Variants in CDK19 observed in about 807,000 individuals in gnomAD.
CDK19 encodes the protein cyclin dependent kinase 19, also known as cyclin-dependent kinase 19.
A neutral mutation model predicts 68.3 loss-of-function variants in CDK19; 20 were observed. The ratio of observed to expected loss-of-function variants is 0.29; its 90% CI spans 0.21 to 0.43. CDK19 has a LOEUF of 0.43. Ranked by LOEUF, CDK19 falls within the 20% of genes least tolerant of loss-of-function variation. The probability of loss-of-function intolerance (pLI) is 1.00; values close to 1 mark genes in which losing one functional copy is unlikely to be tolerated. For missense variants in CDK19, 339 were observed against 623.5 expected, an observed-to-expected ratio of 0.54 and a Z score of 4.86; for synonymous variants, 221 against 222.8, an observed-to-expected ratio of 0.99 and a Z score of 0.07.
At chr6:110,695,510 C>G (rs535100441) in intron 2 of CDK19, among the ~76,000 whole-genome samples, 1 of 151,930 alleles carries the variant, frequency 6.6e-6, no homozygotes, top group African/African-American at 2.4e-5. Context: ...TAGAACAGAA[C>G]TAAATAAAAT....
intron 1 of CDK19, among the ~76,000 whole-genome samples, chr6:110,804,722 G>C (rs532452399): frequency 1.7e-4 from 25 of 149,936 alleles, no homozygotes; most frequent in African/African-American, 6.1e-4. Flanking sequence ...TTGGGAGGCC[G>C]AGGCGGGCGG....
chr6:110,781,105 A>G (rs1780780416), intron 1 of CDK19, among the ~76,000 whole-genome samples: 1 of 152,184 alleles, frequency 6.6e-6, no homozygotes, highest in Non-Finnish European at 1.5e-5. Flanking sequence ...GTTGCTATAA[A>G]GGAATACCTC....
chr6:110,736,835 C>T (rs1001526670), intron 2 of CDK19, among the ~76,000 whole-genome samples: 1 of 152,180 alleles, frequency 6.6e-6, no homozygotes, highest in African/African-American at 2.4e-5. Context: ...TATTTTCAGT[C>T]TTTCTTCACT....
chr6:110,692,461 A>T (rs1773087706), intron 2 of CDK19, among the ~76,000 whole-genome samples: 1 of 152,196 alleles, frequency 6.6e-6, no homozygotes, highest in Non-Finnish European at 1.5e-5. Flanking sequence ...TTGAAAAATG[A>T]ACAAAGTCTC....
intron 12 of CDK19, among the ~76,000 whole-genome samples, chr6:110,618,814 C>A (rs1778519416): frequency 9.3e-6 from 1 of 107,052 alleles, no homozygotes; most frequent in Non-Finnish European, 1.8e-5. Context: ...CTGCTCTTTG[C>A]AGACAGCCCC....
chr6:110,671,681 T>C (rs1224899710), intron 2 of CDK19, among the ~76,000 whole-genome samples: 1 of 152,240 alleles, frequency 6.6e-6, no homozygotes, highest in Non-Finnish European at 1.5e-5. Flanking sequence ...ACAGCTAAAG[T>C]TCATGTCTTC....
chr6:110,801,451 C>A (rs1034249637), intron 1 of CDK19, among the ~76,000 whole-genome samples: 2 of 152,162 alleles, frequency 1.3e-5, no homozygotes, highest in Admixed American at 6.6e-5. Context: ...TGCCACTGCA[C>A]TCCAGCCTCA....
At chr6:110,688,177 G>A (rs1424595643) in intron 2 of CDK19, among the ~76,000 whole-genome samples, 1 of 152,086 alleles carries the variant, frequency 6.6e-6, no homozygotes, top group East Asian at 1.9e-4. Flanking sequence ...CTTGAGGTCA[G>A]GAGTCTGAGA....
intron 1 of CDK19, among the ~76,000 whole-genome samples, chr6:110,775,397 A>G (rs1780329127): frequency 6.6e-6 from 1 of 152,230 alleles, no homozygotes; most frequent in South Asian, 2.1e-4. Context: ...AAACAGACCT[A>G]GAAGAGGACA....
intron 1 of CDK19, among the ~76,000 whole-genome samples, chr6:110,790,606 T>C (rs1299275281): frequency 1.3e-5 from 2 of 151,344 alleles, no homozygotes; most frequent in Admixed American, 6.6e-5. Flanking sequence ...TAAACCAATA[T>C]AGTAATAAGA....
At chr6:110,721,635 A>C (rs117568271) in intron 2 of CDK19, among the ~76,000 whole-genome samples, 4,026 of 152,284 alleles carry the variant, frequency 0.026, 80 homozygotes, top group South Asian at 0.083. Context: ...CCAGATAAGA[A>C]AAACATGACT....
At chr6:110,794,180 G>T (rs569729865) in intron 1 of CDK19, among the ~76,000 whole-genome samples, 4 of 151,806 alleles carry the variant, frequency 2.6e-5, no homozygotes, top group Non-Finnish European at 5.9e-5. Flanking sequence ...CAAGTAACTG[G>T]GACTAAGGGC....
intron 2 of CDK19, among the ~76,000 whole-genome samples, chr6:110,683,866 TC>T (rs1395027102): frequency 6.6e-6 from 1 of 150,748 alleles, no homozygotes; most frequent in Non-Finnish European, 1.5e-5. Context: ...CATGTCTAGC[TC>T]ATTTTTTGTA....
chr6:110,754,359 G>A (rs541723746), intron 1 of CDK19, among the ~76,000 whole-genome samples: 1 of 152,102 alleles, frequency 6.6e-6, no homozygotes, highest in Non-Finnish European at 1.5e-5. Flanking sequence ...TTATTGCTGG[G>A]AAATGAATTT....
At chr6:110,643,489 G>C (rs1780338739) in intron 4 of CDK19, among the ~76,000 whole-genome samples, 1 of 152,134 alleles carries the variant, frequency 6.6e-6, no homozygotes, top group South Asian at 2.1e-4. Flanking sequence ...ATTTGTGGGA[G>C]CTAAAAATTA....
intron 2 of CDK19, among the ~76,000 whole-genome samples, chr6:110,677,395 C>T (rs895838117): frequency 6.6e-6 from 1 of 151,890 alleles, no homozygotes; most frequent in Non-Finnish European, 1.5e-5. Flanking sequence ...AACCCCGTCT[C>T]TATTAAAAAT....
At chr6:110,618,557 G>A (rs959587152) in intron 12 of CDK19, among the ~76,000 whole-genome samples, 2 of 152,156 alleles carry the variant, frequency 1.3e-5, no homozygotes, top group Non-Finnish European at 2.9e-5. Context: ...ATGGTGTTAG[G>A]AGCCTGGACA....
chr6:110,780,175 G>A (rs1405580611), intron 1 of CDK19, among the ~76,000 whole-genome samples: 2 of 150,432 alleles, frequency 1.3e-5, no homozygotes, highest in Admixed American at 1.3e-4. Flanking sequence ...CAGAGATGGC[G>A]CCACTGCACT....
At position 110,638,656 on chromosome 6, in the gene CDK19, G is replaced by T; in HGVS notation, c.507C>A (p.Val169=). Reference sequence around the variant, plus strand: ...TTAGGAATAATTACCTACCTATTTTGACTCTCCCCCTCTCAGGACCTTCTC... The same window carrying T: ...TTAGGAATAATTACCTACCTATTTTTACTCTCCCCCTCTCAGGACCTTCTC... ...VMGEGPERGR[V]KIADMGFARL... The change falls in exon 5 of 13, where the codon GTC becomes GTA. Residue 169 remains valine, a synonymous_variant. Transcript: ENST00000368911. The T allele has an allele frequency of 6.7e-7, 1 of 1,498,456 alleles. No individual in the cohort carries two copies. The highest frequency in any genetic ancestry group is 1.2e-5 in the South Asian group (1 of 86,594). 92.8% of individuals were successfully genotyped at this position (1,498,456 alleles called of 1,614,324 possible).
Sources: allele counts gnomAD v4.1 joint callset (sites outside exome capture counted in the v4.1 genomes callset), GRCh38; gene constraint gnomAD v4.1.1; transcripts MANE v1.5; gene names NCBI Gene and HGNC (gene_info 2026-07-23, HGNC 2026-07-21).